Variants in DST observed in about 807,000 individuals in gnomAD.
DST encodes dystonin, also known as bullous pemphigoid antigen.
A neutral mutation model predicts 875.2 loss-of-function variants in DST; 253 were observed. The observed-to-expected ratio is 0.29, with a 90% CI of 0.26 to 0.32. DST has a LOEUF of 0.32. DST is among the 10% of genes least tolerant of loss of function. DST has a pLI of 1.00. For missense variants in DST, 8,287 were observed against 9,111.6 expected (o/e 0.91, Z 3.68); for synonymous variants, 3,124 against 3,197.1 (o/e 0.98, Z 0.77).
chr6:56,569,738 C>T (rs991322048), intron 54 of DST, 118 bp downstream of exon 54: 16 of 780,256 alleles, frequency 2.1e-5, no homozygotes, highest in Non-Finnish European at 2.7e-5. Context: ...ACAAAATATA[C>T]AGTACATATA....
intron 62 of DST, among the ~76,000 whole-genome samples, chr6:56,536,510 A>C (rs1306687761): frequency 6.6e-6 from 1 of 152,204 alleles, no homozygotes; most frequent in African/African-American, 2.4e-5. Context: ...TGTGCCCATC[A>C]TACCTGCACT....
intron 3 of DST, among the ~76,000 whole-genome samples, chr6:56,870,152 T>G (rs13199024): frequency 0.13 from 20,267 of 152,118 alleles, 1,620 homozygotes; most frequent in Middle Eastern, 0.21. Context: ...TAAGAATCCC[T>G]AAGCCTAGCT....
chr6:56,704,678 T>C (rs1016075314), intron 5 of DST, among the ~76,000 whole-genome samples: 1 of 152,130 alleles, frequency 6.6e-6, no homozygotes, highest in Admixed American at 6.6e-5. Context: ...CCTGACTTTA[T>C]TCATGATTCC....
intron 7 of DST, among the ~76,000 whole-genome samples, chr6:56,702,378 T>TACACAC (rs1156550997): frequency 6.7e-6 from 1 of 149,188 alleles, no homozygotes; most frequent in African/African-American, 2.6e-5. Context: ...TATAACTGTA[T>TACACAC]ATACACACAC....
At chr6:56,501,470 T>C (rs776834407) in intron 79 of DST, 50 bp downstream of exon 79, 2 of 1,314,156 alleles carry the variant, frequency 1.5e-6, no homozygotes, top group South Asian at 3.2e-5. Context: ...TTTACATTAA[T>C]ATCTGAAATT....
At chr6:56,491,557 T>C (rs1021470779) in intron 85 of DST, among the ~76,000 whole-genome samples, 6 of 151,766 alleles carry the variant, frequency 4.0e-5, no homozygotes, top group Admixed American at 2.0e-4. Flanking sequence ...GTAAAGGGAG[T>C]AAGGAGAGGA....
chr6:56,940,920 T>C (rs1310482936), intron 2 of DST, among the ~76,000 whole-genome samples: 2 of 152,156 alleles, frequency 1.3e-5, no homozygotes, highest in African/African-American at 2.4e-5. Context: ...GTGGGTTCCA[T>C]AGTTATACCC....
intron 55 of DST, among the ~76,000 whole-genome samples, chr6:56,563,879 T>C (rs754143740): frequency 1.4e-4 from 22 of 152,200 alleles, no homozygotes; most frequent in Non-Finnish European, 2.5e-4. Context: ...AAAGATCAGA[T>C]AGTTGCGGAT....
At chr6:56,888,726 TA>T (rs1257177285) in intron 3 of DST, among the ~76,000 whole-genome samples, 1 of 152,260 alleles carries the variant, frequency 6.6e-6, no homozygotes, top group East Asian at 1.9e-4. Flanking sequence ...CTGGTTAATT[TA>T]ATTATTACAA....
chr6:56,641,115 CAGAGAG>C (rs145412096), intron 17 of DST, among the ~76,000 whole-genome samples: 3,952 of 142,598 alleles, frequency 0.028, 74 homozygotes, highest in Non-Finnish European at 0.044. Flanking sequence ...TATTTATGCA[CAGAGAG>C]AGAGAGAGAG....
At chr6:56,907,772 T>C (rs1478826564) in intron 2 of DST, among the ~76,000 whole-genome samples, 1 of 152,238 alleles carries the variant, frequency 6.6e-6, no homozygotes, top group East Asian at 1.9e-4. Flanking sequence ...ATAACATTTT[T>C]AGGTAAGCAT....
chr6:56,710,685 A>T (rs574289506), intron 5 of DST, among the ~76,000 whole-genome samples: 3 of 152,192 alleles, frequency 2.0e-5, no homozygotes, highest in Non-Finnish European at 4.4e-5. Context: ...GCTCAAAAAC[A>T]TTGTATTATC....
At chr6:56,642,947 C>A in intron 15 of DST, 1 of 1,451,102 alleles carries the variant, frequency 6.9e-7, no homozygotes, top group Admixed American at 2.3e-5. Context: ...ATGCAACACA[C>A]AGCAAATAAT....
chr6:56,878,955 A>C (rs1780747845), intron 3 of DST, among the ~76,000 whole-genome samples: 1 of 152,220 alleles, frequency 6.6e-6, no homozygotes, highest in Admixed American at 6.5e-5. Context: ...GCTTTCCATT[A>C]TCTAAGAATC....
chr6:56,913,528 AAC>A (rs1562381798), intron 2 of DST, among the ~76,000 whole-genome samples: 1 of 152,186 alleles, frequency 6.6e-6, no homozygotes, highest in African/African-American at 2.4e-5. Flanking sequence ...CTCTGCCACA[AAC>A]ACAGAGTTAA....
intron 5 of DST, among the ~76,000 whole-genome samples, chr6:56,708,187 ACT>A (rs2099348806): frequency 6.6e-6 from 1 of 152,074 alleles, no homozygotes; most frequent in African/African-American, 2.4e-5. Context: ...AACAGCCTAA[ACT>A]CTCTAGGCTT....
At chr6:56,687,735 T>A (rs2099197654) in intron 9 of DST, among the ~76,000 whole-genome samples, 1 of 152,132 alleles carries the variant, frequency 6.6e-6, no homozygotes, top group Non-Finnish European at 1.5e-5. Flanking sequence ...TTTAAACTAT[T>A]TTGGCAGAAA....
chr6:56,759,005 G>A (rs531988896), intron 4 of DST, among the ~76,000 whole-genome samples: 4 of 152,262 alleles, frequency 2.6e-5, no homozygotes, highest in African/African-American at 9.6e-5. Flanking sequence ...TACCAGCCCT[G>A]GCTGACCTCA....
At chr6:56,475,525 A>AAGTAAATC (rs1213252356) in intron 92 of DST, among the ~76,000 whole-genome samples, 1 of 152,168 alleles carries the variant, frequency 6.6e-6, no homozygotes, top group Non-Finnish European at 1.5e-5. Flanking sequence ...GTGAGCAATC[A>AAGTAAATC]AGTAAATCAA....
Sources: gnomAD v4.1 joint callset for allele counts (sites outside exome capture counted in the v4.1 genomes callset) on GRCh38, gnomAD v4.1.1 for gene constraint, MANE v1.5 for transcripts, NCBI Gene and HGNC (gene_info 2026-07-23, HGNC 2026-07-21) for gene names.